CRYBB1: variants seen among roughly 807,000 people sequenced by gnomAD.
CRYBB1 encodes the protein crystallin beta B1.
CRYBB1 carries 16 observed loss-of-function variants against 29.5 expected under a neutral mutation model. The ratio of observed to expected loss-of-function variants is 0.54; its 90% CI spans 0.37 to 0.82. CRYBB1 has a LOEUF of 0.82. CRYBB1 is among the 40% of genes least tolerant of loss of function. The pLI, the probability that CRYBB1 is intolerant of heterozygous loss-of-function variation, is 0.00. For missense variants in CRYBB1, 300 were observed against 350.5 expected (o/e 0.86, Z 1.15); for synonymous variants, 127 against 136.7 (o/e 0.93, Z 0.49).
chr22:26,616,476 T>C, intron 1 of CRYBB1, 138 bp from the exon 2 acceptor site: 2 of 666,748 alleles, frequency 3.0e-6, no homozygotes, highest in East Asian at 2.7e-5. Flanking sequence ...CCTGGAAGTT[T>C]TTCTTTCATC....
At chr22:26,611,805 A>G (rs1035180307) in intron 3 of CRYBB1, among the ~76,000 whole-genome samples, 1 of 152,020 alleles carries the variant, frequency 6.6e-6, no homozygotes, top group Non-Finnish European at 1.5e-5. Flanking sequence ...TAGAAGCAGC[A>G]TTTCTCCAGA....
intron 2 of CRYBB1, among the ~76,000 whole-genome samples, chr22:26,614,938 G>A (rs1180995705): frequency 6.6e-6 from 1 of 152,128 alleles, no homozygotes; most frequent in African/African-American, 2.4e-5. Context: ...ACAGACACAG[G>A]TTGAGGATAG....
At chr22:26,614,950 A>C (rs1232740204) in intron 2 of CRYBB1, among the ~76,000 whole-genome samples, 1 of 152,176 alleles carries the variant, frequency 6.6e-6, no homozygotes, top group Non-Finnish European at 1.5e-5. Context: ...TGAGGATAGG[A>C]CAGTATTTCC....
intron 3 of CRYBB1, among the ~76,000 whole-genome samples, chr22:26,610,182 A>G (rs1929113593): frequency 1.3e-5 from 2 of 152,170 alleles, no homozygotes; most frequent in South Asian, 2.1e-4. Context: ...GAGAGAGGGT[A>G]GGGCAGGAAT....
At chr22:26,616,674 T>C (rs1929367196) in intron 1 of CRYBB1, among the ~76,000 whole-genome samples, 1 of 152,174 alleles carries the variant, frequency 6.6e-6, no homozygotes, top group African/African-American at 2.4e-5. Context: ...CAACTCCAAT[T>C]TGCCTCCCTA....
chr22:26,602,373 C>T (rs368242143), intron 4 of CRYBB1, among the ~76,000 whole-genome samples: 1 of 151,806 alleles, frequency 6.6e-6, no homozygotes, highest in African/African-American at 2.4e-5. Flanking sequence ...TGCTTGAGGC[C>T]AAGGGTTCAA....
intron 3 of CRYBB1, among the ~76,000 whole-genome samples, chr22:26,610,365 C>T (rs1013143875): frequency 1.3e-5 from 2 of 152,148 alleles, no homozygotes; most frequent in African/African-American, 4.8e-5. Context: ...ATGGCCCTGC[C>T]AGCGCCCACA....
chr22:26,599,809 T>G, intron 5 of CRYBB1, 136 bp from the exon 6 acceptor site: 1 of 750,162 alleles, frequency 1.3e-6, no homozygotes, highest in Non-Finnish European at 2.4e-6. Flanking sequence ...GCTATATCCC[T>G]TCCTGCTCTG....
chr22:26,615,999 GAAAAT>G, intron 2 of CRYBB1, 136 bp downstream of exon 2: 1 of 737,402 alleles, frequency 1.4e-6, no homozygotes, highest in Non-Finnish European at 2.4e-6. Context: ...AGAAAGGAGA[GAAAAT>G]AAGCCAAGAA....
chr22:26,604,441 T>C (rs1033386126), intron 4 of CRYBB1, among the ~76,000 whole-genome samples: 26 of 152,352 alleles, frequency 1.7e-4, no homozygotes, highest in Admixed American at 1.6e-3. Context: ...GCCCAGAACG[T>C]AAGTGCATCC....
rs1339797447 is a variant in CRYBB1, at chr22:26,616,221, AG to A, written c.98del (p.Pro33LeufsTer132). 2 of 1,613,832 alleles carry A rather than the reference AG, an allele frequency of 1.2e-6. No homozygotes were observed. The highest frequency in any genetic ancestry group is 3.3e-5 in the Admixed American group (2 of 60,002). On this transcript the variant is annotated frameshift_variant, in exon 2 of 6. Transcript: ENST00000647684. LOFTEE classifies it high-confidence loss of function. The part of the protein sequence containing the change: ...GKGAPPAGTS[P>X]SPGTTLAPTT... ...TTGGGGCCAGGGTAGTGCCGGGACT[AG>A]GGGATGTTCCTGCAGGTGGGGCCCC...
At chr22:26,614,004 A>G (rs1929263061) in intron 2 of CRYBB1, among the ~76,000 whole-genome samples, 1 of 152,200 alleles carries the variant, frequency 6.6e-6, no homozygotes, top group Non-Finnish European at 1.5e-5. Context: ...CCAGTCTCCC[A>G]TAGCTCTCCC....
At chr22:26,611,435 C>G (rs893745636) in intron 3 of CRYBB1, among the ~76,000 whole-genome samples, 1 of 151,126 alleles carries the variant, frequency 6.6e-6, no homozygotes, top group Non-Finnish European at 1.5e-5. Flanking sequence ...TCTCAGCCCT[C>G]GGTAATGGGC....
chr22:26,604,612 G>A (rs1928918649), intron 4 of CRYBB1, among the ~76,000 whole-genome samples: 1 of 152,148 alleles, frequency 6.6e-6, no homozygotes, highest in South Asian at 2.1e-4. Context: ...AAGGGAAGGA[G>A]GGTTGAGGGA....
At chr22:26,612,038 C>CAG in intron 3 of CRYBB1, 34 bp downstream of exon 3, 1 of 1,470,742 alleles carries the variant, frequency 6.8e-7, no homozygotes, top group Non-Finnish European at 9.5e-7. Flanking sequence ...TTTACTGTGG[C>CAG]AGAGAGTGTG....
chr22:26,608,124 G>T, intron 3 of CRYBB1, 103 bp from the exon 4 acceptor site: 3 of 1,561,044 alleles, frequency 1.9e-6, no homozygotes, highest in Non-Finnish European at 2.6e-6. Context: ...CAGCCCTGAG[G>T]ACAGTAGGAA....
chr22:26,609,315 T>C (rs1929084839), intron 3 of CRYBB1, among the ~76,000 whole-genome samples: 1 of 152,200 alleles, frequency 6.6e-6, no homozygotes, highest in East Asian at 1.9e-4. Context: ...CTTCCCAGAA[T>C]AGAGTTGCAT....
chr22:26,605,761 T>A (rs1333753273), intron 4 of CRYBB1, among the ~76,000 whole-genome samples: 1 of 151,748 alleles, frequency 6.6e-6, no homozygotes, highest in Non-Finnish European at 1.5e-5. Flanking sequence ...ATTTTTTTTT[T>A]TTATTTTGAA....
intron 4 of CRYBB1, among the ~76,000 whole-genome samples, chr22:26,604,592 C>A (rs1345698698): frequency 6.6e-6 from 1 of 151,978 alleles, no homozygotes; most frequent in Non-Finnish European, 1.5e-5. Context: ...GAGGAGTGCA[C>A]AAAGCTGAGA....
Sources: gnomAD v4.1 joint callset for allele counts (sites outside exome capture counted in the v4.1 genomes callset) on GRCh38, gnomAD v4.1.1 for gene constraint, MANE v1.5 for transcripts, NCBI Gene and HGNC (gene_info 2026-07-23, HGNC 2026-07-21) for gene names.